The following RFWD3 variants were observed in gnomAD, a reference collection of about 807,000 sequenced individuals.
RFWD3 encodes the protein ring finger and WD repeat domain 3.
Under a neutral mutation model 87.7 loss-of-function variants are expected in RFWD3, and 65 were observed. That is an observed-to-expected ratio of 0.74 (90% CI 0.61 to 0.91). RFWD3 has a LOEUF of 0.91. RFWD3 is among the 40% of genes least tolerant of loss of function. The probability of loss-of-function intolerance (pLI) is 0.00; values close to 1 mark genes in which losing one functional copy is unlikely to be tolerated. For missense variants in RFWD3, 1,078 were observed against 938.5 expected (o/e 1.15, Z -1.94); for synonymous variants, 433 against 352.8 (o/e 1.23, Z -2.55).
chr16:74,662,758 T>C (rs932051777), intron 1 of RFWD3, among the ~76,000 whole-genome samples: 1 of 152,134 alleles, frequency 6.6e-6, no homozygotes, highest in Non-Finnish European at 1.5e-5. Flanking sequence ...AGGAATGCAC[T>C]GTAGGGGTGC....
At chr16:74,660,845 C>T (rs1961369563) in intron 2 of RFWD3, 87 bp downstream of exon 2, 5 of 1,464,894 alleles carry the variant, frequency 3.4e-6, no homozygotes, top group Non-Finnish European at 4.6e-6. Context: ...TGCCAAAAGT[C>T]ACACTGTCAG....
intron 2 of RFWD3, among the ~76,000 whole-genome samples, chr16:74,653,052 C>A (rs1445645735): frequency 6.6e-6 from 1 of 152,126 alleles, no homozygotes; most frequent in African/African-American, 2.4e-5. Context: ...CACACAGACA[C>A]ATTAGGCTAG....
chr16:74,649,648 C>G (rs1960423027), intron 3 of RFWD3, among the ~76,000 whole-genome samples: 1 of 152,020 alleles, frequency 6.6e-6, no homozygotes, highest in Non-Finnish European at 1.5e-5. Flanking sequence ...AACAATAATC[C>G]TCCAATACCA....
intron 2 of RFWD3, among the ~76,000 whole-genome samples, chr16:74,654,187 T>C (rs1256072156): frequency 6.6e-6 from 1 of 152,198 alleles, no homozygotes; most frequent in Non-Finnish European, 1.5e-5. Context: ...TTCATTTTAG[T>C]ATTTTGAGTC....
Position 74,628,439 on chromosome 16 carries a change from C to T in RFWD3, c.1969+13G>A, listed in dbSNP as rs752326359. 52 of 1,612,896 alleles carry T rather than the reference C, an allele frequency of 3.2e-5. No homozygotes were observed. Among genetic ancestry groups the T allele is most frequent in the Non-Finnish European group, 4.2e-5 (50 of 1,179,210 alleles). ...CTCCCAAATAAGCTATGGGAGACCC[C>T]AGCACTACTTACCAGGCCTGTAGGT... On this transcript the variant is annotated intron_variant, in intron 11 of 12. Transcript: ENST00000361070.
In RFWD3 at chr16:74,647,286, GTTATT is replaced by G. The variant is rs775958516; in HGVS notation, c.792+1841_792+1845del. On this transcript the variant is annotated intron_variant, in intron 4 of 12. Transcript: ENST00000361070. ...ATACTGAGGACAATGATGTATAGGT[GTTATT>G]TTTATTTTTTTTTTGACATGGAGTC... Among the ~76,000 whole-genome samples, 20 of 151,924 alleles carry G rather than the reference GTTATT, an allele frequency of 1.3e-4. No individual in the cohort carries two copies. The East Asian group carries it at 3.7e-3, about 28-fold the overall frequency.
chr16:74,644,049 T>C (rs533403261), intron 6 of RFWD3: 16 of 399,358 alleles, frequency 4.0e-5, no homozygotes, highest in African/African-American at 6.0e-5. Context: ...GCTTCACTTA[T>C]GAGTTTTCTG....
At chr16:74,639,974 T>C (rs1040422834) in intron 6 of RFWD3, among the ~76,000 whole-genome samples, 1 of 151,888 alleles carries the variant, frequency 6.6e-6, no homozygotes, top group Non-Finnish European at 1.5e-5. Context: ...TGCTCTATTT[T>C]ATTATTTATT....
At chr16:74,629,413 C>T (rs769108859) in intron 10 of RFWD3, among the ~76,000 whole-genome samples, 41 of 152,220 alleles carry the variant, frequency 2.7e-4, no homozygotes, top group Non-Finnish European at 5.7e-4. Flanking sequence ...AATCCCAGCA[C>T]TTCGGGAAGC....
chr16:74,632,116 C>T (rs562967201), intron 9 of RFWD3, among the ~76,000 whole-genome samples: 6 of 151,952 alleles, frequency 3.9e-5, no homozygotes, highest in East Asian at 1.9e-4. Flanking sequence ...GTCGGCTGGG[C>T]GCAGTGGCTC....
chr16:74,646,689 G>A (rs1247326915), intron 4 of RFWD3, among the ~76,000 whole-genome samples: 4 of 152,082 alleles, frequency 2.6e-5, no homozygotes, highest in Non-Finnish European at 4.4e-5. Flanking sequence ...GGGAGACTGA[G>A]GCAGGGGAAT....
intron 10 of RFWD3, among the ~76,000 whole-genome samples, 175 bp downstream of exon 10, chr16:74,630,606 A>ATGT (rs1267225121): frequency 6.6e-6 from 1 of 152,240 alleles, no homozygotes; most frequent in Non-Finnish European, 1.5e-5. Context: ...AATAGCATGA[A>ATGT]TACAAACTCT....
rs769615810 is a variant in RFWD3 at position 74,660,926 on chromosome 16, A to G, written c.518+6T>C. On this transcript the variant is annotated splice_donor_region_variant and intron_variant, in intron 2 of 12. Coordinates refer to ENST00000361070, the MANE Select transcript of RFWD3 (RefSeq NM_018124.4). ...TGATCACAGACTTATCCATATATTT[A>G]TTTACCTGGCACTGTCTGTCCTCTG... is the stretch of plus-strand genomic sequence containing the variant. 1 of 1,606,362 alleles carries G rather than the reference A, an allele frequency of 6.2e-7. No homozygotes were observed. Among genetic ancestry groups the G allele is most frequent in the African/African-American group, 1.3e-5 (1 of 74,698 alleles).
rs7188880 is a variant in RFWD3 at position 74,630,912 on chromosome 16, A to T, written c.1623T>A (p.Pro541=). The change falls in exon 10 of 13, where the codon CCT becomes CCA. Residue 541 remains proline (P), a synonymous_variant. Transcript: ENST00000361070. ...CAAGACACCAGCAACAGCTCCAGAC[A>T]GGACGTCCAGCATTATAAGTCTGGA... The part of the protein sequence containing the change: ...TVVQTYNAGR[P]VWSCCWCLDE... 0.53 allele frequency: 851,355 copies of T among 1,613,364 alleles called. 230,199 individuals are homozygous for T. The highest frequency in any genetic ancestry group is 0.77 in the African/African-American group (57,757 of 74,944).
At chr16:74,624,756 G>A (rs1056113396) in intron 12 of RFWD3, among the ~76,000 whole-genome samples, 4 of 152,180 alleles carry the variant, frequency 2.6e-5, no homozygotes, top group Non-Finnish European at 2.9e-5. Flanking sequence ...AACACTTTGG[G>A]AGTCTGAGAT....
intron 2 of RFWD3, among the ~76,000 whole-genome samples, chr16:74,657,873 G>A (rs1237425437): frequency 6.6e-6 from 1 of 152,112 alleles, no homozygotes; most frequent in Non-Finnish European, 1.5e-5. Flanking sequence ...AAACACATAA[G>A]AAAAGCATTT....
At chr16:74,635,343 C>T (rs4564599) in intron 8 of RFWD3, among the ~76,000 whole-genome samples, 111,570 of 151,874 alleles carry the variant, frequency 0.73, 41,446 homozygotes, top group African/African-American at 0.84. Context: ...GGCATGCACC[C>T]GTAGTCTCAA....
chr16:74,631,455 AGAGT>A (rs1567568330), intron 9 of RFWD3, among the ~76,000 whole-genome samples: 2 of 63,214 alleles, frequency 3.2e-5, no homozygotes, highest in East Asian at 4.5e-4. Context: ...CCTGGGTGAC[AGAGT>A]GAGACTCTCT....
Position 74,653,849 on chromosome 16 carries a change from A to G in RFWD3, c.519-1727T>C, listed in dbSNP as rs1960759204. Among the ~76,000 whole-genome samples, 3 of 152,248 alleles carry G rather than the reference A, an allele frequency of 2.0e-5. No individual in the cohort carries two copies. In the South Asian group the frequency reaches 6.2e-4, roughly 31 times the overall value. ...TTAGGGCTTTGACTAAATGCTAACT[A>G]GAACAAAATAAACACTACTCAGTGT... On this transcript the variant is annotated intron_variant, in intron 2 of 12. Transcript: ENST00000361070.
Sources: gnomAD v4.1 joint callset for allele counts (sites outside exome capture counted in the v4.1 genomes callset) on GRCh38, gnomAD v4.1.1 for gene constraint, MANE v1.5 for transcripts, NCBI Gene and HGNC (gene_info 2026-07-23, HGNC 2026-07-21) for gene names.